CCSER1: variants seen among roughly 807,000 people sequenced by gnomAD.
The protein encoded by CCSER1 is serine-rich coiled-coil domain-containing protein 1.
In CCSER1, 41 loss-of-function variants were observed where a neutral mutation model predicts 82.0. The ratio of observed to expected loss-of-function variants is 0.50; its 90% confidence interval spans 0.39 to 0.65. The LOEUF (loss-of-function observed/expected upper bound fraction) is 0.65, where lower values mean the gene tolerates loss of function less well. CCSER1 is among the 30% of genes least tolerant of loss of function. CCSER1 has a pLI of 0.00. For missense variants in CCSER1, 1,119 were observed against 1,064.2 expected (o/e 1.05, Z -0.72); for synonymous variants, 414 against 383.9 (o/e 1.08, Z -0.92).
chr4:91,447,869 C>T (rs981049125), intron 10 of CCSER1, among the ~76,000 whole-genome samples: 2 of 152,022 alleles, frequency 1.3e-5, no homozygotes, highest in Middle Eastern at 3.2e-3. Context: ...CTTTTGACAG[C>T]ATGCTTGTGT....
chr4:90,600,333 AC>A (rs1783881958), intron 5 of CCSER1, among the ~76,000 whole-genome samples: 1 of 152,222 alleles, frequency 6.6e-6, no homozygotes, highest in South Asian at 2.1e-4. Context: ...GAGATTTCCT[AC>A]CCAAAACTTG....
At chr4:90,361,831 T>G (rs1745447422) in intron 3 of CCSER1, among the ~76,000 whole-genome samples, 1 of 152,226 alleles carries the variant, frequency 6.6e-6, no homozygotes, top group Non-Finnish European at 1.5e-5. Context: ...GAGTCTCTTG[T>G]GTTTCTGCAA....
Position 91,163,928 on chromosome 4 carries a change from C to T in CCSER1, c.2217+77934C>T, listed in dbSNP as rs1163828226. On this transcript the variant is annotated intron_variant, in intron 10 of 10. Transcript: ENST00000509176. ...TTAATCAGGGCATTTAGCCCATTTA[C>T]ATTTAAGGTTAATATTGTTATGTGT... Among the ~76,000 whole-genome samples, 3 of 152,142 alleles carry T rather than the reference C, an allele frequency of 2.0e-5. No individual in the cohort carries two copies. In the East Asian group the frequency reaches 5.8e-4, roughly 29 times the overall value.
intron 1 of CCSER1, among the ~76,000 whole-genome samples, chr4:90,232,924 A>G (rs1449558225): frequency 2.6e-5 from 4 of 151,218 alleles, no homozygotes; most frequent in Admixed American, 2.0e-4. Flanking sequence ...CCACAATGAG[A>G]TACCATCTCA....
intron 7 of CCSER1, among the ~76,000 whole-genome samples, chr4:90,769,709 G>T (rs1029954494): frequency 6.6e-6 from 1 of 152,162 alleles, no homozygotes; most frequent in Non-Finnish European, 1.5e-5. Context: ...TATGGAACTA[G>T]ACCTGAAGTG....
chr4:91,080,804 C>T (rs976575963), intron 9 of CCSER1, among the ~76,000 whole-genome samples: 1 of 152,122 alleles, frequency 6.6e-6, no homozygotes, highest in African/African-American at 2.4e-5. Flanking sequence ...TGCAAATAAA[C>T]CAGAAAATCT....
intron 1 of CCSER1, among the ~76,000 whole-genome samples, chr4:90,131,882 CA>C (rs2153315204): frequency 6.6e-6 from 1 of 152,102 alleles, no homozygotes; most frequent in African/African-American, 2.4e-5. Flanking sequence ...TGATTTTAGA[CA>C]AACTGCTTAA....
chr4:91,195,945 C>A (rs1275986821), intron 10 of CCSER1, among the ~76,000 whole-genome samples: 1 of 151,834 alleles, frequency 6.6e-6, no homozygotes, highest in African/African-American at 2.4e-5. Context: ...GTCTCGATCT[C>A]CTGACCTCGT....
At chr4:90,326,123 A>G (rs1196500473) in intron 3 of CCSER1, among the ~76,000 whole-genome samples, 1 of 147,948 alleles carries the variant, frequency 6.8e-6, no homozygotes, top group African/African-American at 2.5e-5. Flanking sequence ...CAGTGGCGCA[A>G]TCTCGGCTCA....
chr4:90,964,885 T>G (rs1734409954), intron 9 of CCSER1, among the ~76,000 whole-genome samples: 1 of 152,090 alleles, frequency 6.6e-6, no homozygotes, highest in Non-Finnish European at 1.5e-5. Context: ...AAACATTGTG[T>G]TATTTTAACT....
At chr4:90,529,301 G>T (rs752310452) in intron 5 of CCSER1, among the ~76,000 whole-genome samples, 1 of 152,002 alleles carries the variant, frequency 6.6e-6, no homozygotes, top group Non-Finnish European at 1.5e-5. Flanking sequence ...TGCAAACTCC[G>T]ACTCTCAGGA....
At chr4:91,548,727 T>C (rs1297287887) in intron 10 of CCSER1, among the ~76,000 whole-genome samples, 1 of 152,126 alleles carries the variant, frequency 6.6e-6, no homozygotes, top group Non-Finnish European at 1.5e-5. Context: ...GATGTGATTC[T>C]TTTTTCTTTG....
intron 1 of CCSER1, among the ~76,000 whole-genome samples, chr4:90,280,734 T>G (rs1317378183): frequency 6.6e-6 from 1 of 151,992 alleles, no homozygotes; most frequent in Non-Finnish European, 1.5e-5. Context: ...CTTGTCAGTT[T>G]AAAAAATTAG....
intron 10 of CCSER1, among the ~76,000 whole-genome samples, chr4:91,393,062 A>T (rs1751760336): frequency 1.3e-5 from 2 of 152,036 alleles, no homozygotes; most frequent in South Asian, 4.1e-4. Context: ...ATAATGGACA[A>T]TTTTCTAATA....
intron 5 of CCSER1, among the ~76,000 whole-genome samples, chr4:90,493,649 C>A (rs184621494): frequency 3.9e-5 from 6 of 152,266 alleles, no homozygotes; most frequent in Admixed American, 3.3e-4. Context: ...CCCAGAATTT[C>A]ATATCCAGCC....
At chr4:90,407,932 A>G (rs1753989943) in intron 4 of CCSER1, among the ~76,000 whole-genome samples, 2 of 152,134 alleles carry the variant, frequency 1.3e-5, no homozygotes, top group South Asian at 4.1e-4. Flanking sequence ...GGTCACTCCT[A>G]CCCTAATACT....
At chr4:90,611,974 T>C (rs1785559677) in intron 5 of CCSER1, among the ~76,000 whole-genome samples, 1 of 151,594 alleles carries the variant, frequency 6.6e-6, no homozygotes, top group South Asian at 2.1e-4. Flanking sequence ...TTCCTGACTT[T>C]TTACACTCTT....
intron 5 of CCSER1, among the ~76,000 whole-genome samples, chr4:90,567,837 G>A (rs1779591659): frequency 6.6e-6 from 1 of 150,782 alleles, no homozygotes; most frequent in Admixed American, 6.6e-5. Context: ...GAACTCCTGG[G>A]CTCAAGTGAT....
At chr4:90,278,059 C>A (rs1483918700) in intron 1 of CCSER1, among the ~76,000 whole-genome samples, 1 of 151,994 alleles carries the variant, frequency 6.6e-6, no homozygotes, top group Non-Finnish European at 1.5e-5. Context: ...TTACAATGGA[C>A]CCACAAGCTT....
Sources: gnomAD v4.1 joint callset for allele counts (sites outside exome capture counted in the v4.1 genomes callset) on GRCh38, gnomAD v4.1.1 for gene constraint, MANE v1.5 for transcripts, NCBI Gene and HGNC (gene_info 2026-07-23, HGNC 2026-07-21) for gene names.